The following LETM1 variants were observed in gnomAD, a reference collection of about 807,000 sequenced individuals.
The protein encoded by LETM1 is leucine zipper and EF-hand containing transmembrane protein 1, also known as mitochondrial proton/calcium exchanger protein.
LETM1 carries 50 observed loss-of-function variants against 74.5 expected under a neutral mutation model. That is an observed-to-expected ratio of 0.67 (90% CI 0.53 to 0.85). The LOEUF is 0.85. LETM1 is among the 40% of genes least tolerant of loss of function. LETM1 has a pLI of 0.00. For synonymous variants in LETM1, 446 were observed against 407.1 expected (o/e 1.10, Z -1.15); for missense variants, 824 against 967.8 (o/e 0.85, Z 1.97).
At position 1,833,400 on chromosome 4, in the gene LETM1, G is replaced by A. The variant is rs373422101; in HGVS notation, c.877-453C>T. On this transcript the variant is annotated intron_variant, in intron 5 of 13. Transcript: ENST00000302787. The stretch of plus-strand genomic sequence containing the variant: ...GGCGTCTGGCCTGTGGACCTCTCCT[G>A]CCTGAACCAGCAAAGCTGAGGCTGC... 33 of 193,508 alleles carry A rather than the reference G, an allele frequency of 1.7e-4. No individual in the cohort carries two copies. The East Asian group carries it at 3.9e-3, about 23-fold the overall frequency. 12.0% of individuals were successfully genotyped at this position (193,508 alleles called of 1,614,324 possible).
intron 6 of LETM1, among the ~76,000 whole-genome samples, chr4:1,831,889 G>A (rs1056693316): frequency 5.3e-5 from 8 of 152,182 alleles, no homozygotes; most frequent in African/African-American, 1.7e-4. Flanking sequence ...AAAGGCCTAC[G>A]GACCACCCAG....
chr4:1,841,831 A>G, intron 2 of LETM1, 34 bp from the exon 3 acceptor site: 2 of 1,485,102 alleles, frequency 1.3e-6, no homozygotes, highest in Non-Finnish European at 1.8e-6. Flanking sequence ...CAGTAGTAAG[A>G]GCCAGCACTA....
chr4:1,816,885 T>C lies in LETM1; in HGVS notation c.1773A>G (p.Ser591=), dbSNP rs1711586665. 1 of 1,613,894 alleles carries C rather than the reference T, an allele frequency of 6.2e-7. No homozygotes were observed. The highest frequency in any genetic ancestry group is 8.5e-7 in the Non-Finnish European group (1 of 1,179,790). Reference sequence around the variant, plus strand: ...CCACGTACTTTTCTTCACCAGTCTTTGAAAGTTCCTTCTTGATCTCCTGCA... The same window carrying C: ...CCACGTACTTTTCTTCACCAGTCTTCGAAAGTTCCTTCTTGATCTCCTGCA... ...EDLQEIKKEL[S]KTGEEKYVEE... Residue 591 remains serine, a synonymous_variant, in exon 12 of 14, where the codon TCA becomes TCG. Coordinates refer to ENST00000302787, the MANE Select transcript of LETM1 (RefSeq NM_012318.3).
At chr4:1,822,047 C>A (rs1401296639) in intron 10 of LETM1, 134 bp downstream of exon 10, 8 of 933,114 alleles carry the variant, frequency 8.6e-6, no homozygotes, top group Non-Finnish European at 1.2e-5. Context: ...TCATCCTCAA[C>A]CCCTTGCACC....
In LETM1 at chr4:1,811,785, C is replaced by T. The variant is rs1722477309; in HGVS notation, c.*2639G>A. 6.6e-6 allele frequency: 1 copy of T among 152,378 alleles called. No individual in the cohort carries two copies. Among genetic ancestry groups the T allele is most frequent in the Non-Finnish European group, 1.5e-5 (1 of 68,080 alleles). The allele number at this position is 152,378 out of a possible 1,614,324, so 9.4% of individuals were successfully genotyped here. A position where few individuals can be genotyped will look rare whatever the true frequency, so the allele number is the denominator to read the frequency against. On this transcript the variant is annotated 3_prime_UTR_variant, in exon 14 of 14. Coordinates refer to ENST00000302787, the MANE Select transcript of LETM1 (RefSeq NM_012318.3). ...GAGTCTGAAAGCCCAATTCCTGAAT[C>T]CCTGCGTTAGAACTGAGAGTTCAGG...
chr4:1,839,859 G>T (rs1268683980), intron 3 of LETM1, among the ~76,000 whole-genome samples: 1 of 152,224 alleles, frequency 6.6e-6, no homozygotes, highest in African/African-American at 2.4e-5. Flanking sequence ...GGGAAGCATG[G>T]AAGATCCATG....
chr4:1,827,919 G>T (rs1374073399), intron 6 of LETM1, among the ~76,000 whole-genome samples: 3 of 149,688 alleles, frequency 2.0e-5, no homozygotes, highest in African/African-American at 7.4e-5. Context: ...TGGGCGGGGG[G>T]CTGACCCCCC....
intron 3 of LETM1, among the ~76,000 whole-genome samples, chr4:1,839,915 C>A (rs1394955248): frequency 6.6e-6 from 1 of 152,132 alleles, no homozygotes; most frequent in African/African-American, 2.4e-5. Context: ...TGACCTGCAT[C>A]CTTTGCACTA....
chr4:1,819,550 G>A, intron 10 of LETM1, 78 bp from the exon 11 acceptor site: 1 of 1,482,544 alleles, frequency 6.7e-7, no homozygotes, highest in Admixed American at 2.1e-5. Context: ...CAGCTGCTCT[G>A]TTCATATTAT....
chr4:1,816,446 A>G (rs1051195049), intron 12 of LETM1, among the ~76,000 whole-genome samples: 1 of 152,116 alleles, frequency 6.6e-6, no homozygotes, highest in African/African-American at 2.4e-5. Flanking sequence ...CCTGGTAATT[A>G]GAGGAAACAG....
chr4:1,828,706 G>T (rs1277847637), intron 6 of LETM1, among the ~76,000 whole-genome samples: 1 of 130,250 alleles, frequency 7.7e-6, no homozygotes, highest in Non-Finnish European at 1.6e-5. Flanking sequence ...CCTCCCTCCC[G>T]GATGGGGCGG....
intron 8 of LETM1, 42 bp from the exon 9 acceptor site, chr4:1,823,173 C>A (rs1577312634): frequency 6.5e-7 from 1 of 1,531,364 alleles, no homozygotes. Context: ...CAGAAGCCAC[C>A]AGAGGCCCCT....
At chr4:1,825,737 T>C in intron 6 of LETM1, 54 bp from the exon 7 acceptor site, 3 of 1,554,550 alleles carry the variant, frequency 1.9e-6, no homozygotes, top group South Asian at 2.3e-5. Context: ...TGGGTGACAG[T>C]GTCTGTGTGA....
chr4:1,825,424 A>G, intron 7 of LETM1, 140 bp downstream of exon 7: 2 of 1,025,198 alleles, frequency 2.0e-6, no homozygotes, highest in South Asian at 3.2e-5. Flanking sequence ...CAGCCCAAAC[A>G]TCCTGGCCGT....
chr4:1,841,964 C>T (rs750855012), intron 2 of LETM1, among the ~76,000 whole-genome samples, 167 bp from the exon 3 acceptor site: 1 of 152,172 alleles, frequency 6.6e-6, no homozygotes, highest in South Asian at 2.1e-4. Flanking sequence ...CGCTGGGGAG[C>T]CCTTCGGAAG....
At chr4:1,824,048 C>T (rs569159976) in intron 7 of LETM1, among the ~76,000 whole-genome samples, 8 of 152,292 alleles carry the variant, frequency 5.3e-5, no homozygotes, top group African/African-American at 1.4e-4. Context: ...AGGGGCCGGG[C>T]GCGGTGGCTC....
chr4:1,853,647 A>C (rs1713143988), intron 1 of LETM1, among the ~76,000 whole-genome samples: 1 of 152,234 alleles, frequency 6.6e-6, no homozygotes, highest in Non-Finnish European at 1.5e-5. Context: ...GGACAGAAAA[A>C]GGACCTCAGA....
intron 1 of LETM1, among the ~76,000 whole-genome samples, chr4:1,854,466 C>T (rs12643044): frequency 0.71 from 101,476 of 143,152 alleles, 38,821 homozygotes; most frequent in East Asian, 0.98. Context: ...GATGACAGAG[C>T]GAGACTCCAT....
chr4:1,855,551 C>T, intron 1 of LETM1, among the ~76,000 whole-genome samples: 1 of 152,276 alleles, frequency 6.6e-6, no homozygotes, highest in East Asian at 1.9e-4. Flanking sequence ...TGCGTGGACA[C>T]GTTCCACCAA....
Sources: gnomAD v4.1 joint callset for allele counts (sites outside exome capture counted in the v4.1 genomes callset) on GRCh38, gnomAD v4.1.1 for gene constraint, MANE v1.5 for transcripts, NCBI Gene and HGNC (gene_info 2026-07-23, HGNC 2026-07-21) for gene names.